Variants in TMEM132C observed in about 807,000 individuals in gnomAD.
TMEM132C encodes the protein protein phosphatase 1, regulatory subunit 152.
A neutral mutation model predicts 61.4 loss-of-function variants in TMEM132C; 29 were observed. The ratio of observed to expected loss-of-function variants is 0.47; its 90% confidence interval spans 0.35 to 0.64. TMEM132C has a LOEUF of 0.64. Ranked by LOEUF, TMEM132C falls within the 30% of genes least tolerant of loss-of-function variation. TMEM132C has a pLI of 0.00. For missense variants in TMEM132C, 1,408 were observed against 1,476.9 expected (o/e 0.95, Z 0.76); for synonymous variants, 656 against 633.1 (o/e 1.04, Z -0.54).
At chr12:128,317,994 A>C (rs1036744296) in intron 1 of TMEM132C, among the ~76,000 whole-genome samples, 2 of 152,258 alleles carry the variant, frequency 1.3e-5, no homozygotes, top group African/African-American at 4.8e-5. Context: ...GACATCAAAA[A>C]TATAGACAGT....
chr12:128,680,557 G>A (rs550367849), intron 5 of TMEM132C, among the ~76,000 whole-genome samples: 8 of 152,344 alleles, frequency 5.3e-5, no homozygotes, highest in African/African-American at 1.9e-4. Flanking sequence ...CATCTCAGGT[G>A]CTCATTAGTC....
chr12:128,544,382 C>A (rs553258629), intron 3 of TMEM132C, among the ~76,000 whole-genome samples: 1 of 152,346 alleles, frequency 6.6e-6, no homozygotes, highest in Admixed American at 6.5e-5. Flanking sequence ...CACACCTGAA[C>A]TGACTTTCTG....
intron 1 of TMEM132C, among the ~76,000 whole-genome samples, chr12:128,334,828 C>A (rs1872754335): frequency 6.6e-6 from 1 of 152,134 alleles, no homozygotes; most frequent in Non-Finnish European, 1.5e-5. Context: ...GATCTCCTGA[C>A]CTTGTGATCT....
At chr12:128,331,142 A>G (rs1872656216) in intron 1 of TMEM132C, among the ~76,000 whole-genome samples, 1 of 149,446 alleles carries the variant, frequency 6.7e-6, no homozygotes, top group Admixed American at 6.7e-5. Context: ...CTGCTCCCCA[A>G]TCCTGTTTTC....
chr12:128,681,267 A>G (rs1954632252), intron 5 of TMEM132C, among the ~76,000 whole-genome samples: 1 of 152,160 alleles, frequency 6.6e-6, no homozygotes, highest in Non-Finnish European at 1.5e-5. Context: ...GGTGTGAGCC[A>G]CCGCACCCGG....
intron 1 of TMEM132C, among the ~76,000 whole-genome samples, chr12:128,391,770 C>T (rs1874770672): frequency 6.6e-6 from 1 of 152,182 alleles, no homozygotes; most frequent in South Asian, 2.1e-4. Flanking sequence ...ATTCACAAAC[C>T]TTCAGAGCCT....
intron 2 of TMEM132C, among the ~76,000 whole-genome samples, chr12:128,485,254 G>A (rs1329381105): frequency 6.6e-6 from 1 of 152,156 alleles, no homozygotes; most frequent in Non-Finnish European, 1.5e-5. Flanking sequence ...TCTGCTCACT[G>A]CAACCTCCGC....
At chr12:128,272,957 G>A (rs1870570778) in intron 1 of TMEM132C, among the ~76,000 whole-genome samples, 1 of 152,146 alleles carries the variant, frequency 6.6e-6, no homozygotes, top group Admixed American at 6.5e-5. Flanking sequence ...TGTGTCTTTG[G>A]AAGAGCAGAG....
chr12:128,645,703 C>G (rs549841029), intron 4 of TMEM132C, among the ~76,000 whole-genome samples: 2 of 152,336 alleles, frequency 1.3e-5, no homozygotes, highest in South Asian at 2.1e-4. Flanking sequence ...GCAGGGGCCC[C>G]CTTTGGGCTC....
At chr12:128,568,761 T>C (rs1874781220) in intron 3 of TMEM132C, among the ~76,000 whole-genome samples, 1 of 152,042 alleles carries the variant, frequency 6.6e-6, no homozygotes, top group Non-Finnish European at 1.5e-5. Flanking sequence ...AAAACAGGCG[T>C]CATGAAACCC....
intron 1 of TMEM132C, among the ~76,000 whole-genome samples, chr12:128,354,447 CCCTG>C: frequency 6.6e-6 from 1 of 150,636 alleles, no homozygotes; most frequent in Non-Finnish European, 1.5e-5. Context: ...CTCCTTCCTT[CCCTG>C]CCTTCTTTTC....
Position 128,282,171 on chromosome 12 carries a change from G to A in TMEM132C, c.85+14684G>A, listed in dbSNP as rs550822237. On this transcript the variant is annotated intron_variant, in intron 1 of 8. Coordinates refer to ENST00000435159, the MANE Select transcript of TMEM132C (RefSeq NM_001136103.3). ...GATGCTTATCATCCCTGAATGTTTT[G>A]TTGTGTATTTCTTACAAACAAGACA... is the stretch of plus-strand genomic sequence containing the variant. Among the ~76,000 whole-genome samples, 25 of 152,258 alleles carry A rather than the reference G, an allele frequency of 1.6e-4. No homozygotes were observed. In the East Asian group the frequency reaches 4.2e-3, roughly 26 times the overall value.
chr12:128,372,808 G>A lies in TMEM132C; in HGVS notation c.86-41924G>A, dbSNP rs148289346. Among the ~76,000 whole-genome samples the A allele has an allele frequency of 2.9e-3, 441 of 151,802 alleles. 4 individuals carry two copies. The highest frequency in any genetic ancestry group is 3.6e-3 in the Non-Finnish European group (243 of 67,968). Reference sequence around the variant, plus strand: ...TGACAGCCAAATTCTAGGCTTTATCGTAACCAGAGTGAGAGGGAAACATGC... The same window carrying A: ...TGACAGCCAAATTCTAGGCTTTATCATAACCAGAGTGAGAGGGAAACATGC... On this transcript the variant is annotated intron_variant, in intron 1 of 8. Coordinates refer to ENST00000435159, the MANE Select transcript of TMEM132C (RefSeq NM_001136103.3).
intron 1 of TMEM132C, among the ~76,000 whole-genome samples, chr12:128,320,477 T>A (rs1872294964): frequency 6.6e-6 from 1 of 152,106 alleles, no homozygotes; most frequent in African/African-American, 2.4e-5. Flanking sequence ...ATTCAAAAGG[T>A]GAAGATGGCC....
At chr12:128,536,523 G>C (rs988226667) in intron 2 of TMEM132C, among the ~76,000 whole-genome samples, 4 of 106,004 alleles carry the variant, frequency 3.8e-5, no homozygotes, top group African/African-American at 1.7e-4. Flanking sequence ...AGAACTTAAA[G>C]TATAATGAAA....
chr12:128,369,044 T>G (rs549185803), intron 1 of TMEM132C, among the ~76,000 whole-genome samples: 9 of 152,336 alleles, frequency 5.9e-5, no homozygotes, highest in Admixed American at 3.3e-4. Context: ...TGGATGGTGG[T>G]TATTTGCTGA....
chr12:128,516,090 G>A (rs369243931), intron 2 of TMEM132C, among the ~76,000 whole-genome samples: 32 of 152,192 alleles, frequency 2.1e-4, no homozygotes, highest in Middle Eastern at 6.8e-3. Context: ...ACAGAACGAG[G>A]CCTGATGCCA....
At chr12:128,529,700 T>G (rs1873216651) in intron 2 of TMEM132C, among the ~76,000 whole-genome samples, 1 of 152,058 alleles carries the variant, frequency 6.6e-6, no homozygotes, top group African/African-American at 2.4e-5. Context: ...GCAGGAGAAT[T>G]GCTTGAACCT....
chr12:128,585,819 A>G (rs1043048959), intron 3 of TMEM132C, among the ~76,000 whole-genome samples: 1 of 152,202 alleles, frequency 6.6e-6, no homozygotes, highest in Non-Finnish European at 1.5e-5. Flanking sequence ...AATTCCACTT[A>G]GCAGAGATAA....
Sources: gnomAD v4.1 joint callset for allele counts (sites outside exome capture counted in the v4.1 genomes callset) on GRCh38, gnomAD v4.1.1 for gene constraint, MANE v1.5 for transcripts, NCBI Gene and HGNC (gene_info 2026-07-23, HGNC 2026-07-21) for gene names.